Variants in INTS14 observed in about 807,000 individuals in gnomAD.
INTS14 encodes the protein integrator complex subunit 14.
In INTS14, 27 loss-of-function variants were observed where a neutral mutation model predicts 56.9. That is an observed-to-expected ratio of 0.47 (90% CI 0.35 to 0.65). The LOEUF is 0.65. INTS14 is among the 30% of genes least tolerant of loss of function. The pLI, the probability that INTS14 is intolerant of heterozygous loss-of-function variation, is 0.00. For synonymous variants in INTS14, 207 were observed against 236.2 expected, an observed-to-expected ratio of 0.88 and a Z score of 1.13; for missense variants, 517 against 632.2, an observed-to-expected ratio of 0.82 and a Z score of 1.95.
chr15:65,580,202 T>A (rs901137284), intron 11 of INTS14, among the ~76,000 whole-genome samples: 3 of 152,120 alleles, frequency 2.0e-5, no homozygotes, highest in Non-Finnish European at 1.5e-5. Flanking sequence ...AGTGGAGTGG[T>A]CTGGGCAAGT....
At chr15:65,587,729 C>T (rs1393531596) in intron 9 of INTS14, among the ~76,000 whole-genome samples, 1 of 152,040 alleles carries the variant, frequency 6.6e-6, no homozygotes, top group Admixed American at 6.5e-5. Context: ...GCCTGTAATC[C>T]CAACAATTTG....
intron 6 of INTS14, among the ~76,000 whole-genome samples, 179 bp from the exon 7 acceptor site, chr15:65,596,004 T>C (rs1417716141): frequency 9.2e-5 from 14 of 152,236 alleles, no homozygotes; most frequent in Admixed American, 7.2e-4. Context: ...GCTCAGGAAA[T>C]AATGATAACT....
rs562624790 is a variant in INTS14, at chr15:65,598,994, T to C, written c.487-4A>G. On this transcript the variant is annotated splice_region_variant and splice_polypyrimidine_tract_variant and intron_variant, in intron 4 of 11. Transcript: ENST00000313182. ...CCAAGGAATCGGTGCTCTGGAGCTATAAAGCAAAACAGATGACCCTTAAAG... is the reference window on the plus strand; with the variant it reads ...CCAAGGAATCGGTGCTCTGGAGCTACAAAGCAAAACAGATGACCCTTAAAG... 1.2e-5 allele frequency: 19 copies of C among 1,611,576 alleles called. No homozygotes were observed. Among genetic ancestry groups the C allele is most frequent in the South Asian group, 2.2e-5 (2 of 90,762 alleles).
intron 6 of INTS14, among the ~76,000 whole-genome samples, chr15:65,596,357 T>G (rs2073211467): frequency 6.6e-6 from 1 of 152,108 alleles, no homozygotes; most frequent in Non-Finnish European, 1.5e-5. Context: ...TAAAAATGAA[T>G]GTTGTAACCA....
rs3743169 is a variant in INTS14 at position 65,579,101 on chromosome 15, G to A, written c.*307C>T. On this transcript the variant is annotated 3_prime_UTR_variant, in exon 12 of 12. Transcript: ENST00000313182. ...AGAGCCCCTGCCGGTCAGGTTTCCT[G>A]AGGAAGGCAGGGGTGCTCTATGCTC... 0.058 allele frequency: 13,821 copies of A among 236,938 alleles called. 455 individuals carry two copies. The highest frequency in any genetic ancestry group is 0.09 in the African/African-American group (3,984 of 44,320). The allele number at this position is 236,938 out of a possible 1,614,324, so 14.7% of individuals were successfully genotyped here. A position where few individuals can be genotyped will look rare whatever the true frequency, so the allele number is the denominator to read the frequency against.
chr15:65,589,584 C>T (rs1025662922), intron 9 of INTS14, among the ~76,000 whole-genome samples: 14 of 152,162 alleles, frequency 9.2e-5, no homozygotes, highest in Middle Eastern at 3.2e-3. Context: ...ACTTTTTCCT[C>T]CCTAACAGCT....
At chr15:65,607,041 A>T in intron 2 of INTS14, 118 bp downstream of exon 2, 1 of 1,254,462 alleles carries the variant, frequency 8.0e-7, no homozygotes, top group Non-Finnish European at 1.1e-6. Flanking sequence ...TACACATATT[A>T]AGTACTCATA....
chr15:65,581,108 G>A lies in INTS14; in HGVS notation c.1305+846C>T, dbSNP rs941347201. ...AAAATACAAAAATTAGGCCGGGAAC[G>A]GTGGCTCACGCCTGTAATCCCAGCA... is the stretch of plus-strand genomic sequence containing the variant. On this transcript the variant is annotated intron_variant, in intron 11 of 11. Coordinates refer to ENST00000313182, the MANE Select transcript of INTS14 (RefSeq NM_001394796.1). Among the ~76,000 whole-genome samples the A allele has an allele frequency of 2.6e-5, 4 of 152,202 alleles. No individual in the cohort carries two copies. In the South Asian group the frequency reaches 8.3e-4, roughly 32 times the overall value.
intron 9 of INTS14, among the ~76,000 whole-genome samples, chr15:65,585,468 C>A (rs1265230225): frequency 6.6e-6 from 1 of 152,020 alleles, no homozygotes; most frequent in Non-Finnish European, 1.5e-5. Flanking sequence ...ATATATATAG[C>A]CAAATTAAGG....
At chr15:65,588,490 A>G (rs2072908484) in intron 9 of INTS14, among the ~76,000 whole-genome samples, 1 of 151,890 alleles carries the variant, frequency 6.6e-6, no homozygotes, top group African/African-American at 2.4e-5. Context: ...CAACATGATG[A>G]AACCCTATCT....
chr15:65,585,177 AT>A (rs905506659), intron 9 of INTS14, among the ~76,000 whole-genome samples: 5 of 150,228 alleles, frequency 3.3e-5, no homozygotes, highest in African/African-American at 1.2e-4. Context: ...TATTTAAAAA[AT>A]ATATATATAT....
chr15:65,596,961 T>G (rs2073237014), intron 6 of INTS14, among the ~76,000 whole-genome samples: 1 of 152,220 alleles, frequency 6.6e-6, no homozygotes, highest in Non-Finnish European at 1.5e-5. Context: ...CAGCTAGATA[T>G]TTTTCATTTG....
Position 65,600,336 on chromosome 15 carries a change from C to CA in INTS14, c.331-408dup, listed in dbSNP as rs1015992997. ...TAAAACAAAACAAAACAAAACAAAACAAAAAAAACAGGCCTGACATGGTGG... is the reference window on the plus strand; with the variant it reads ...TAAAACAAAACAAAACAAAACAAAACAAAAAAAAACAGGCCTGACATGGTGG... On this transcript the variant is annotated intron_variant, in intron 3 of 11. Transcript: ENST00000313182. Among the ~76,000 whole-genome samples the CA allele has an allele frequency of 1.1e-4, 16 of 148,766 alleles. No homozygotes were observed. The East Asian group carries it at 1.8e-3, about 17-fold the overall frequency.
At chr15:65,594,969 G>T (rs2073161174) in intron 7 of INTS14, among the ~76,000 whole-genome samples, 2 of 152,134 alleles carry the variant, frequency 1.3e-5, no homozygotes, top group African/African-American at 4.8e-5. Flanking sequence ...ATGGGATGTG[G>T]TCATTACTCA....
At chr15:65,584,405 T>C (rs2072742052) in intron 10 of INTS14, among the ~76,000 whole-genome samples, 1 of 152,108 alleles carries the variant, frequency 6.6e-6, no homozygotes, top group African/African-American at 2.4e-5. Flanking sequence ...GCCAGGAAAA[T>C]ATGTCTCTCT....
In INTS14 at chr15:65,598,410, T is replaced by C; in HGVS notation, c.659A>G (p.His220Arg). 6.2e-7 allele frequency: 1 copy of C among 1,614,096 alleles called. No individual in the cohort carries two copies. Among genetic ancestry groups the C allele is most frequent in the Non-Finnish European group, 8.5e-7 (1 of 1,179,958 alleles). Residue 220 changes from histidine to arginine, a missense_variant, in exon 6 of 12, where the codon CAC (histidine) becomes CGC (arginine). Transcript: ENST00000313182. ...GAAGACTTGTACATCAGCAGTTAGG[T>C]GGCCACACTTGAGAACAGCATGGAA... The part of the protein sequence containing the change: ...TPFHAVLKCG[H>R]LTADVQVFPR...
intron 11 of INTS14, among the ~76,000 whole-genome samples, chr15:65,581,751 C>G (rs975404243): frequency 3.3e-5 from 5 of 151,954 alleles, no homozygotes; most frequent in Admixed American, 1.3e-4. Flanking sequence ...AAACCTTCTG[C>G]CTGTACAGAA....
chr15:65,605,630 T>G (rs1445869514), intron 2 of INTS14, among the ~76,000 whole-genome samples: 1 of 152,208 alleles, frequency 6.6e-6, no homozygotes, highest in Non-Finnish European at 1.5e-5. Flanking sequence ...AACTATAAGG[T>G]ATAGATTATT....
chr15:65,599,041 T>C, intron 4 of INTS14, 51 bp from the exon 5 acceptor site: 1 of 1,368,996 alleles, frequency 7.3e-7, no homozygotes, highest in Non-Finnish European at 1.0e-6. Flanking sequence ...AAATGCCAGA[T>C]TATTCTCAGC....
Sources: gnomAD v4.1 joint callset for allele counts (sites outside exome capture counted in the v4.1 genomes callset) on GRCh38, gnomAD v4.1.1 for gene constraint, MANE v1.5 for transcripts, NCBI Gene and HGNC (gene_info 2026-07-23, HGNC 2026-07-21) for gene names.